ADAMTS17: variants seen among roughly 807,000 people sequenced by gnomAD.
ADAMTS17 encodes the protein ADAM metallopeptidase with thrombospondin type 1 motif 17, also known as A disintegrin and metalloproteinase with thrombospondin motifs 17.
In ADAMTS17, 113 loss-of-function variants were observed where a neutral mutation model predicts 141.5. The observed-to-expected ratio is 0.80, with a 90% confidence interval of 0.69 to 0.93. ADAMTS17 has a LOEUF of 0.93. Ranked by LOEUF, ADAMTS17 falls within the 40% of genes least tolerant of loss-of-function variation. ADAMTS17 has a pLI of 0.00. For synonymous variants in ADAMTS17, 768 were observed against 630.6 expected, an observed-to-expected ratio of 1.22 and a Z score of -3.27; for missense variants, 1,659 against 1,517.9, an observed-to-expected ratio of 1.09 and a Z score of -1.54.
At chr15:100,261,211 A>T (rs74039107) in intron 6 of ADAMTS17, among the ~76,000 whole-genome samples, 217 of 152,320 alleles carry the variant, frequency 1.4e-3, no homozygotes, top group African/African-American at 5.1e-3. Flanking sequence ...GGAAGAGGGA[A>T]GTCTGGACAG....
At chr15:99,978,588 TC>T (rs2060416531) in intron 20 of ADAMTS17, 1 of 152,182 alleles carries the variant, frequency 6.6e-6, no homozygotes, top group African/African-American at 2.4e-5. Context: ...ATCCCAGACC[TC>T]AGGAGTCGGC....
chr15:100,223,712 TATAC>T (rs2042208622), intron 7 of ADAMTS17, among the ~76,000 whole-genome samples: 3 of 150,756 alleles, frequency 2.0e-5, no homozygotes, highest in Non-Finnish European at 4.4e-5. Flanking sequence ...TATATATGTA[TATAC>T]ATATAGTGTA....
At chr15:100,142,700 G>A (rs960797766) in intron 10 of ADAMTS17, among the ~76,000 whole-genome samples, 15 of 152,184 alleles carry the variant, frequency 9.9e-5, no homozygotes, top group Non-Finnish European at 1.5e-5. Context: ...CCTGACTAGA[G>A]AGTCCTTCTC....
intron 18 of ADAMTS17, among the ~76,000 whole-genome samples, chr15:100,034,332 C>A: frequency 6.6e-6 from 1 of 152,384 alleles, no homozygotes; most frequent in East Asian, 1.9e-4. Flanking sequence ...GACATGCCCA[C>A]GGAATCCCCT....
At chr15:100,174,498 C>T (rs1422578758) in intron 8 of ADAMTS17, among the ~76,000 whole-genome samples, 2 of 152,188 alleles carry the variant, frequency 1.3e-5, no homozygotes, top group African/African-American at 4.8e-5. Flanking sequence ...AATTTCCATG[C>T]AGTTTCATCT....
intron 5 of ADAMTS17, among the ~76,000 whole-genome samples, chr15:100,262,034 T>A (rs1432051209): frequency 6.6e-6 from 1 of 152,096 alleles, no homozygotes; most frequent in Non-Finnish European, 1.5e-5. Context: ...GAAGCTCTAA[T>A]GTAGTTTCAG....
chr15:100,200,712 G>A (rs1477882515), intron 7 of ADAMTS17, among the ~76,000 whole-genome samples: 6 of 152,198 alleles, frequency 3.9e-5, no homozygotes, highest in Admixed American at 2.0e-4. Flanking sequence ...TGGGGCGGAT[G>A]ACGGCTAAAT....
At chr15:100,292,497 ACACT>A (rs2044677777) in intron 3 of ADAMTS17, among the ~76,000 whole-genome samples, 2 of 151,822 alleles carry the variant, frequency 1.3e-5, no homozygotes, top group South Asian at 2.1e-4. Context: ...ATTATGAGAG[ACACT>A]CACCCCGTGT....
At chr15:100,146,963 G>C (rs1479108554) in intron 10 of ADAMTS17, among the ~76,000 whole-genome samples, 1 of 151,978 alleles carries the variant, frequency 6.6e-6, no homozygotes, top group Non-Finnish European at 1.5e-5. Context: ...AATGACAGTG[G>C]TGCCCGAAAC....
At chr15:100,025,560 C>T (rs915964795) in intron 18 of ADAMTS17, among the ~76,000 whole-genome samples, 2 of 151,926 alleles carry the variant, frequency 1.3e-5, no homozygotes, top group African/African-American at 2.4e-5. Flanking sequence ...TATAGGCACT[C>T]GCCACCACGC....
chr15:100,142,076 G>C (rs1185166705), intron 10 of ADAMTS17, among the ~76,000 whole-genome samples: 2 of 152,222 alleles, frequency 1.3e-5, no homozygotes, highest in Admixed American at 6.5e-5. Context: ...CGGAAAGACA[G>C]ATACCTAAAA....
intron 15 of ADAMTS17, among the ~76,000 whole-genome samples, chr15:100,063,040 T>G (rs1567110600): frequency 6.6e-6 from 1 of 152,140 alleles, no homozygotes; most frequent in Non-Finnish European, 1.5e-5. Context: ...AAGGATACCC[T>G]CAGAAGGTCT....
At chr15:100,179,287 A>C (rs2040442525) in intron 8 of ADAMTS17, among the ~76,000 whole-genome samples, 1 of 152,156 alleles carries the variant, frequency 6.6e-6, no homozygotes, top group Admixed American at 6.5e-5. Context: ...CAATTGTTTT[A>C]ATTTTTAGCT....
chr15:100,261,472 A>G lies in ADAMTS17; in HGVS notation c.1031+7T>C, dbSNP rs950109037. On this transcript the variant is annotated splice_region_variant and intron_variant, in intron 6 of 21. Coordinates refer to ENST00000268070, the MANE Select transcript of ADAMTS17 (RefSeq NM_139057.4). ...ACATGTCAGCTACAGGCCAAATCCC[A>G]TCTTACCTGGTCACAAACACGGCAG... 11 of 1,613,950 alleles carry G rather than the reference A, an allele frequency of 6.8e-6. No individual in the cohort carries two copies. The highest frequency in any genetic ancestry group is 8.5e-6 in the Non-Finnish European group (10 of 1,180,002).
rs552412305 is a variant in ADAMTS17, at chr15:100,046,942, G to A, written c.2591+1915C>T. ...GAGATAACCTTAAACTCTGACTGCCGGTGAGCCAGGCAGAACAGAGCCATA... is the reference window on the plus strand; with the variant it reads ...GAGATAACCTTAAACTCTGACTGCCAGTGAGCCAGGCAGAACAGAGCCATA... On this transcript the variant is annotated intron_variant, in intron 18 of 21. Coordinates refer to ENST00000268070, the MANE Select transcript of ADAMTS17 (RefSeq NM_139057.4). 6.6e-5 allele frequency among the ~76,000 whole-genome samples: 10 copies of A among 152,264 alleles called. No individual in the cohort carries two copies. In the East Asian group the frequency reaches 1.2e-3, roughly 18 times the overall value.
intron 3 of ADAMTS17, among the ~76,000 whole-genome samples, chr15:100,287,967 A>T (rs1365870677): frequency 1.3e-5 from 2 of 152,248 alleles, no homozygotes; most frequent in Non-Finnish European, 2.9e-5. Context: ...CTATGTAATA[A>T]CCAGCTAGCA....
At chr15:100,152,840 A>C in intron 9 of ADAMTS17, 78 bp from the exon 10 acceptor site, 1 of 1,030,752 alleles carries the variant, frequency 9.7e-7, no homozygotes, top group Non-Finnish European at 1.4e-6. Context: ...TTTTTTTTTG[A>C]GTTTTCAGTC....
chr15:99,980,022 C>T (rs965850936), intron 20 of ADAMTS17: 1 of 152,152 alleles, frequency 6.6e-6, no homozygotes, highest in African/African-American at 2.4e-5. Context: ...ACGTATGAGG[C>T]CCACTTAAGA....
intron 18 of ADAMTS17, among the ~76,000 whole-genome samples, chr15:100,046,269 C>G (rs544724034): frequency 6.6e-6 from 1 of 152,264 alleles, no homozygotes; most frequent in African/African-American, 2.4e-5. Context: ...ATATAAGCTA[C>G]TCTATCGTTA....
Sources: gnomAD v4.1 joint callset for allele counts (sites outside exome capture counted in the v4.1 genomes callset) on GRCh38, gnomAD v4.1.1 for gene constraint, MANE v1.5 for transcripts, NCBI Gene and HGNC (gene_info 2026-07-23, HGNC 2026-07-21) for gene names.